Variants in HS3ST4 observed in about 807,000 individuals in gnomAD.
HS3ST4 encodes the protein heparan sulfate-glucosamine 3-sulfotransferase 4.
Under a neutral mutation model 29.2 loss-of-function variants are expected in HS3ST4, and 17 were observed. The ratio of observed to expected loss-of-function variants is 0.58; its 90% CI spans 0.40 to 0.87. The LOEUF is 0.87. Among genes scored for constraint, HS3ST4 ranks in the 40% least tolerant of loss-of-function variants. The pLI is 0.00. For missense variants in HS3ST4, 627 were observed against 634.5 expected, an observed-to-expected ratio of 0.99 and a Z score of 0.13; for synonymous variants, 314 against 285.7, an observed-to-expected ratio of 1.10 and a Z score of -1.00.
intron 1 of HS3ST4, among the ~76,000 whole-genome samples, chr16:25,880,085 T>G (rs1245155546): frequency 6.6e-6 from 1 of 152,184 alleles, no homozygotes; most frequent in African/African-American, 2.4e-5. Flanking sequence ...CCAGATTAAG[T>G]GGGTAGCTAA....
At chr16:25,779,945 A>G (rs1966851146) in intron 1 of HS3ST4, among the ~76,000 whole-genome samples, 1 of 152,170 alleles carries the variant, frequency 6.6e-6, no homozygotes, top group Non-Finnish European at 1.5e-5. Context: ...GGAGGAGTCC[A>G]TTTCCACTGA....
chr16:25,958,941 A>G (rs764825202), intron 1 of HS3ST4, among the ~76,000 whole-genome samples: 1 of 152,232 alleles, frequency 6.6e-6, no homozygotes, highest in Non-Finnish European at 1.5e-5. Flanking sequence ...CACGTTCACC[A>G]CATTGTATCG....
At chr16:25,816,355 T>C (rs551196561) in intron 1 of HS3ST4, among the ~76,000 whole-genome samples, 57 of 152,270 alleles carry the variant, frequency 3.7e-4, no homozygotes, top group African/African-American at 1.3e-3. Context: ...AAGCTTCCAT[T>C]GACAGTCAGA....
intron 1 of HS3ST4, among the ~76,000 whole-genome samples, chr16:25,832,439 A>C (rs940193330): frequency 6.6e-6 from 1 of 152,208 alleles, no homozygotes; most frequent in Non-Finnish European, 1.5e-5. Flanking sequence ...GATGTAATTG[A>C]AAAGCACACA....
chr16:25,933,701 T>C (rs983892633), intron 1 of HS3ST4, among the ~76,000 whole-genome samples: 6 of 152,194 alleles, frequency 3.9e-5, no homozygotes, highest in Admixed American at 2.0e-4. Flanking sequence ...TGATGCATGG[T>C]GCTGGCATAT....
chr16:26,070,944 A>T (rs1171703191), intron 1 of HS3ST4, among the ~76,000 whole-genome samples: 1 of 152,200 alleles, frequency 6.6e-6, no homozygotes, highest in East Asian at 1.9e-4. Flanking sequence ...ATTTCAGGAA[A>T]TGCTCCTCTG....
intron 1 of HS3ST4, among the ~76,000 whole-genome samples, chr16:25,752,430 A>G (rs978943827): frequency 6.6e-6 from 1 of 152,156 alleles, no homozygotes; most frequent in African/African-American, 2.4e-5. Context: ...GTAATTAATC[A>G]CATTTGTCAT....
intron 1 of HS3ST4, among the ~76,000 whole-genome samples, chr16:25,724,509 G>A (rs146639962): frequency 1.2e-3 from 178 of 151,998 alleles, no homozygotes; most frequent in African/African-American, 4.2e-3. Flanking sequence ...GACTACAGGT[G>A]TGCACCACCA....
intron 1 of HS3ST4, among the ~76,000 whole-genome samples, chr16:26,100,848 G>A (rs1279583291): frequency 6.6e-6 from 1 of 152,148 alleles, no homozygotes; most frequent in Admixed American, 6.6e-5. Flanking sequence ...CCTCTTGATA[G>A]TCCTATGAGA....
At chr16:26,074,097 C>G (rs1186778955) in intron 1 of HS3ST4, among the ~76,000 whole-genome samples, 1 of 152,150 alleles carries the variant, frequency 6.6e-6, no homozygotes, top group Non-Finnish European at 1.5e-5. Context: ...AACAAAAAGC[C>G]TTCCACTTAC....
chr16:25,832,069 T>TCAG (rs1421620212), intron 1 of HS3ST4, among the ~76,000 whole-genome samples: 1 of 152,138 alleles, frequency 6.6e-6, no homozygotes, highest in Non-Finnish European at 1.5e-5. Flanking sequence ...ATGATACCAT[T>TCAG]GCACTTCAGC....
At chr16:25,788,540 CTTTCTTTTTT>C (rs916804462) in intron 1 of HS3ST4, among the ~76,000 whole-genome samples, 4 of 99,070 alleles carry the variant, frequency 4.0e-5, no homozygotes, top group Non-Finnish European at 7.6e-5. Context: ...TTCTTTTCTT[CTTTCTTTTTT>C]TTTTTTTTTT....
rs148174505 is a variant in HS3ST4 at position 25,769,933 on chromosome 16, T to A, written c.734+76782T>A. 4.4e-3 allele frequency among the ~76,000 whole-genome samples: 675 copies of A among 152,312 alleles called. 3 individuals carry two copies. The highest frequency in any genetic ancestry group is 6.1e-3 in the Non-Finnish European group (415 of 68,022). On this transcript the variant is annotated intron_variant, in intron 1 of 1. Coordinates refer to ENST00000331351, the MANE Select transcript of HS3ST4 (RefSeq NM_006040.3). ...TCTCTCCATCCTTCCTCCTTAGATG[T>A]CTCTCCAGCCCCTTCTCCTCCTTTC...
intron 1 of HS3ST4, among the ~76,000 whole-genome samples, chr16:25,993,408 T>C (rs1969130127): frequency 6.6e-6 from 1 of 152,156 alleles, no homozygotes; most frequent in South Asian, 2.1e-4. Flanking sequence ...GAAATTCCTA[T>C]GACCCTCAGA....
At chr16:25,870,652 A>C (rs1567260474) in intron 1 of HS3ST4, among the ~76,000 whole-genome samples, 1 of 152,178 alleles carries the variant, frequency 6.6e-6, no homozygotes. Flanking sequence ...ATGGAAAGGT[A>C]TTCGAAGACA....
At chr16:25,911,555 G>A (rs1340663378) in intron 1 of HS3ST4, among the ~76,000 whole-genome samples, 1 of 137,092 alleles carries the variant, frequency 7.3e-6, no homozygotes, top group Non-Finnish European at 1.5e-5. Flanking sequence ...CGCCCAGGCT[G>A]GAGTGCAGTT....
intron 1 of HS3ST4, among the ~76,000 whole-genome samples, chr16:25,777,444 T>TGTGC (rs1450432652): frequency 6.8e-6 from 1 of 147,400 alleles, no homozygotes; most frequent in Non-Finnish European, 1.5e-5. Context: ...TGTGTGTGTG[T>TGTGC]GTGCACGTCC....
chr16:25,931,042 G>T (rs1968457740), intron 1 of HS3ST4, among the ~76,000 whole-genome samples: 1 of 152,132 alleles, frequency 6.6e-6, no homozygotes, highest in Non-Finnish European at 1.5e-5. Flanking sequence ...CAAAGTGCTG[G>T]GATTACAGGT....
intron 1 of HS3ST4, among the ~76,000 whole-genome samples, chr16:25,980,981 G>A (rs1190201993): frequency 6.6e-6 from 1 of 152,124 alleles, no homozygotes; most frequent in East Asian, 1.9e-4. Flanking sequence ...GGTCATAAGG[G>A]TTATTCCTAG....
Sources: gnomAD v4.1 joint callset for allele counts (sites outside exome capture counted in the v4.1 genomes callset) on GRCh38, gnomAD v4.1.1 for gene constraint, MANE v1.5 for transcripts, NCBI Gene and HGNC (gene_info 2026-07-23, HGNC 2026-07-21) for gene names.